TENM3: variants seen among roughly 807,000 people sequenced by gnomAD.
The protein encoded by TENM3 is teneurin-3.
A neutral mutation model predicts 255.1 loss-of-function variants in TENM3; 63 were observed. The observed-to-expected ratio is 0.25, with a 90% CI of 0.20 to 0.30. TENM3 has a LOEUF of 0.30. Ranked by LOEUF, TENM3 falls within the 10% of genes least tolerant of loss-of-function variation. The pLI, the probability that TENM3 is intolerant of heterozygous loss-of-function variation, is 1.00. For synonymous variants in TENM3, 1,306 were observed against 1,322.3 expected (o/e 0.99, Z 0.27); for missense variants, 2,929 against 3,461.1 (o/e 0.85, Z 3.86).
chr4:182,710,079 A>G (rs1278675436), intron 12 of TENM3, among the ~76,000 whole-genome samples: 7 of 152,220 alleles, frequency 4.6e-5, no homozygotes, highest in Non-Finnish European at 1.0e-4. Context: ...TAAAACTGCT[A>G]ATCCAGATCA....
chr4:181,603,359 C>A, the TENM3 span, among the ~76,000 whole-genome samples: 1 of 152,206 alleles, frequency 6.6e-6, no homozygotes, highest in South Asian at 2.1e-4. Context: ...TAAAGGAGAA[C>A]TATCAACCCG....
intron 13 of TENM3, among the ~76,000 whole-genome samples, chr4:182,716,913 A>G (rs1759231786): frequency 6.6e-6 from 1 of 152,216 alleles, no homozygotes; most frequent in South Asian, 2.1e-4. Flanking sequence ...TAAGGAACTC[A>G]GGAGGAGGAG....
chr4:181,912,554 G>A, the TENM3 span, among the ~76,000 whole-genome samples: 135 of 152,068 alleles, frequency 8.9e-4, no homozygotes, highest in Non-Finnish European at 1.4e-3. Flanking sequence ...TTGAGAGGCC[G>A]AGATGAGATG....
At chr4:181,863,132 A>G in the TENM3 span, among the ~76,000 whole-genome samples, 1 of 152,206 alleles carries the variant, frequency 6.6e-6, no homozygotes, top group African/African-American at 2.4e-5. Context: ...TAATACTTTG[A>G]GAATTTGAAA....
At chr4:182,604,501 A>G (rs1352143409) in intron 4 of TENM3, among the ~76,000 whole-genome samples, 2 of 152,150 alleles carry the variant, frequency 1.3e-5, no homozygotes, top group East Asian at 3.8e-4. Context: ...CTGCTTCAGT[A>G]TGTAATAATA....
intron 3 of TENM3, among the ~76,000 whole-genome samples, chr4:182,529,333 G>A (rs539333090): frequency 4.7e-4 from 72 of 152,186 alleles, no homozygotes; most frequent in Admixed American, 1.4e-3. Flanking sequence ...GTGTCTTATC[G>A]ATAAATTATG....
chr4:181,873,416 A>C, the TENM3 span, among the ~76,000 whole-genome samples: 1 of 152,116 alleles, frequency 6.6e-6, no homozygotes. Context: ...TCTCTGCTTT[A>C]ACTGCATTCC....
chr4:182,267,509 C>A (rs528748462), intron 1 of TENM3, among the ~76,000 whole-genome samples: 40 of 152,016 alleles, frequency 2.6e-4, no homozygotes, highest in African/African-American at 8.0e-4. Flanking sequence ...TAAAACAGTC[C>A]CTGTACAGGG....
chr4:181,886,293 TC>T, the TENM3 span, among the ~76,000 whole-genome samples: 1 of 152,154 alleles, frequency 6.6e-6, no homozygotes, highest in African/African-American at 2.4e-5. Context: ...CCTCAAGTGA[TC>T]CGCCTACCTC....
At chr4:181,868,762 G>A in the TENM3 span, among the ~76,000 whole-genome samples, 2 of 152,190 alleles carry the variant, frequency 1.3e-5, no homozygotes, top group Admixed American at 6.5e-5. Flanking sequence ...TCAGCAAACG[G>A]CTTAATAACA....
the TENM3 span, among the ~76,000 whole-genome samples, chr4:181,815,462 C>CAAAA: frequency 5.1e-4 from 42 of 82,078 alleles, 1 homozygote; most frequent in African/African-American, 1.9e-3. Flanking sequence ...GACTCCCTAT[C>CAAAA]AAAAAAAAAA....
chr4:181,944,059 G>T, the TENM3 span, among the ~76,000 whole-genome samples: 3 of 152,038 alleles, frequency 2.0e-5, no homozygotes, highest in Non-Finnish European at 2.9e-5. Context: ...TTTGTCTCTA[G>T]GCACCAGGAG....
At chr4:181,592,334 CTTTTTT>C in the TENM3 span, among the ~76,000 whole-genome samples, 20 of 137,298 alleles carry the variant, frequency 1.5e-4, no homozygotes, top group African/African-American at 4.7e-4. Context: ...CCATATGGCT[CTTTTTT>C]TTTTTTTTTT....
At chr4:182,007,539 T>C in the TENM3 span, among the ~76,000 whole-genome samples, 452 of 152,304 alleles carry the variant, frequency 3.0e-3, no homozygotes, top group African/African-American at 0.01. Context: ...GGGACTAGGA[T>C]TGCAACCCCT....
chr4:181,506,042 T>G, the TENM3 span, among the ~76,000 whole-genome samples: 1 of 152,144 alleles, frequency 6.6e-6, no homozygotes, highest in Non-Finnish European at 1.5e-5. Context: ...TTTAGCCAGT[T>G]GGGTTGATCA....
chr4:182,476,284 T>G (rs1218260071), intron 3 of TENM3, among the ~76,000 whole-genome samples: 1 of 152,234 alleles, frequency 6.6e-6, no homozygotes, highest in Non-Finnish European at 1.5e-5. Flanking sequence ...GTATTTCTTT[T>G]TTCATCTCTT....
At chr4:182,777,741 A>G (rs906350759) in intron 24 of TENM3, among the ~76,000 whole-genome samples, 14 of 149,984 alleles carry the variant, frequency 9.3e-5, no homozygotes, top group Admixed American at 4.7e-4. Context: ...TATTTTTAGT[A>G]GAGACGGAGT....
intron 24 of TENM3, among the ~76,000 whole-genome samples, chr4:182,787,071 C>G (rs905483273): frequency 1.3e-5 from 2 of 150,902 alleles, no homozygotes; most frequent in Non-Finnish European, 2.9e-5. Context: ...TAGCCGGTAG[C>G]TTCTTTCCAA....
chr4:181,601,211 G>T, the TENM3 span, among the ~76,000 whole-genome samples: 1 of 152,118 alleles, frequency 6.6e-6, no homozygotes, highest in Admixed American at 6.5e-5. Flanking sequence ...AGTTCTGAAG[G>T]CCAGCTGTCT....
Sources: allele counts gnomAD v4.1 joint callset (sites outside exome capture counted in the v4.1 genomes callset), GRCh38; gene constraint gnomAD v4.1.1; transcripts MANE v1.5; gene names NCBI Gene and HGNC (gene_info 2026-07-23, HGNC 2026-07-21).